The following ACOXL variants were observed in gnomAD, a reference collection of about 807,000 sequenced individuals.
ACOXL encodes acyl-coenzyme A oxidase-like protein.
ACOXL carries 70 observed loss-of-function variants against 71.9 expected under a neutral mutation model. The observed-to-expected ratio is 0.97, with a 90% CI of 0.80 to 1.19. The LOEUF (loss-of-function observed/expected upper bound fraction) is 1.19, where lower values mean the gene tolerates loss of function less well. Ranked by LOEUF, ACOXL falls within the 50% of genes most tolerant of loss-of-function variation. The pLI, the probability that ACOXL is intolerant of heterozygous loss-of-function variation, is 0.00. For missense variants in ACOXL, 703 were observed against 736.3 expected (o/e 0.95, Z 0.52); for synonymous variants, 253 against 281.6 (o/e 0.90, Z 1.02).
intron 10 of ACOXL, among the ~76,000 whole-genome samples, chr2:110,905,107 G>T (rs548736840): frequency 6.6e-6 from 1 of 152,160 alleles, no homozygotes; most frequent in Non-Finnish European, 1.5e-5. Context: ...AAGGGAAGGT[G>T]CTGGGCCTCG....
intron 15 of ACOXL, among the ~76,000 whole-genome samples, chr2:111,037,697 GA>G (rs1427913545): frequency 6.6e-6 from 1 of 152,228 alleles, no homozygotes; most frequent in Admixed American, 6.5e-5. Context: ...CTGAGGCTCA[GA>G]GGGGTGAACA....
chr2:110,826,809 C>G (rs1394875526), intron 9 of ACOXL, among the ~76,000 whole-genome samples: 1 of 142,884 alleles, frequency 7.0e-6, no homozygotes, highest in Non-Finnish European at 1.5e-5. Flanking sequence ...ATTTTTGGTG[C>G]ACATTTCATC....
At chr2:110,759,512 T>C (rs899600888) in intron 1 of ACOXL, among the ~76,000 whole-genome samples, 2 of 152,182 alleles carry the variant, frequency 1.3e-5, no homozygotes, top group Admixed American at 6.5e-5. Flanking sequence ...TGATTTTTTT[T>C]CCATTTGCTC....
intron 8 of ACOXL, among the ~76,000 whole-genome samples, chr2:110,803,985 CTTTTTTT>C (rs1177385627): frequency 1.5e-5 from 2 of 132,258 alleles, no homozygotes; most frequent in Non-Finnish European, 3.3e-5. Flanking sequence ...ACTAGGATGT[CTTTTTTT>C]TTTTTTTTTT....
At chr2:110,844,550 C>CTTTT (rs72290322) in intron 10 of ACOXL, among the ~76,000 whole-genome samples, 4 of 133,534 alleles carry the variant, frequency 3.0e-5, no homozygotes, top group Non-Finnish European at 3.2e-5. Flanking sequence ...CTTTTCTTTT[C>CTTTT]TTTTTTTTTT....
chr2:110,795,168 T>C (rs1391567356), intron 5 of ACOXL, among the ~76,000 whole-genome samples: 1 of 152,298 alleles, frequency 6.6e-6, no homozygotes, highest in East Asian at 1.9e-4. Context: ...CTATTCTTTA[T>C]TTTTGCAGTT....
intron 10 of ACOXL, among the ~76,000 whole-genome samples, chr2:110,876,314 A>C (rs1199333023): frequency 1.3e-5 from 2 of 152,200 alleles, no homozygotes; most frequent in Non-Finnish European, 2.9e-5. Flanking sequence ...TGGGCCAGCC[A>C]CGGTGCCAGG....
intron 9 of ACOXL, among the ~76,000 whole-genome samples, chr2:110,826,570 A>G (rs1689181892): frequency 6.6e-6 from 1 of 152,118 alleles, no homozygotes; most frequent in Admixed American, 6.5e-5. Flanking sequence ...TGAACCTTGT[A>G]TTTCAGATGC....
intron 16 of ACOXL, among the ~76,000 whole-genome samples, chr2:111,071,727 G>A (rs2067351895): frequency 6.6e-6 from 1 of 152,204 alleles, no homozygotes; most frequent in South Asian, 2.1e-4. Flanking sequence ...TTATTATGCA[G>A]CTCAGGCCAT....
chr2:110,817,894 C>T (rs541748943), intron 9 of ACOXL, among the ~76,000 whole-genome samples: 43 of 150,240 alleles, frequency 2.9e-4, no homozygotes, highest in African/African-American at 4.7e-4. Flanking sequence ...CACTGTGGCG[C>T]GTTCCCTTTC....
At chr2:110,967,987 G>A in intron 12 of ACOXL, 7 of 928,542 alleles carry the variant, frequency 7.5e-6, no homozygotes, top group Non-Finnish European at 1.2e-5. Context: ...ATATAGGATA[G>A]TAGTTCATCT....
chr2:111,067,548 A>G (rs1282803752), intron 16 of ACOXL, among the ~76,000 whole-genome samples: 1 of 152,250 alleles, frequency 6.6e-6, no homozygotes, highest in African/African-American at 2.4e-5. Flanking sequence ...AGAAGGTGAG[A>G]GAACATACTC....
chr2:111,091,578 G>A (rs947243381), intron 16 of ACOXL, among the ~76,000 whole-genome samples: 1 of 152,112 alleles, frequency 6.6e-6, no homozygotes, highest in Non-Finnish European at 1.5e-5. Flanking sequence ...ATTTTTATAA[G>A]AATTTATGTT....
At chr2:110,815,648 G>A (rs1383337910) in intron 9 of ACOXL, among the ~76,000 whole-genome samples, 1 of 152,212 alleles carries the variant, frequency 6.6e-6, no homozygotes, top group South Asian at 2.1e-4. Flanking sequence ...GCAGTGGGGA[G>A]AATGTTGCCT....
At chr2:110,970,544 T>C (rs1001743193) in intron 12 of ACOXL, among the ~76,000 whole-genome samples, 12 of 152,220 alleles carry the variant, frequency 7.9e-5, no homozygotes, top group African/African-American at 2.4e-4. Context: ...TCGTGGAACA[T>C]TGAATGCTTT....
chr2:110,788,804 G>A (rs1684295421), intron 3 of ACOXL, among the ~76,000 whole-genome samples: 1 of 152,198 alleles, frequency 6.6e-6, no homozygotes, highest in Non-Finnish European at 1.5e-5. Flanking sequence ...TGACCAGGAG[G>A]ACCATGGCTG....
At chr2:110,985,674 A>G (rs1020485335) in intron 12 of ACOXL, among the ~76,000 whole-genome samples, 3 of 152,088 alleles carry the variant, frequency 2.0e-5, no homozygotes, top group African/African-American at 7.3e-5. Context: ...GGCCTAAAGC[A>G]CCTCTAATTT....
chr2:110,869,363 A>G (rs1006251074), intron 10 of ACOXL, among the ~76,000 whole-genome samples: 2 of 152,314 alleles, frequency 1.3e-5, no homozygotes, highest in Middle Eastern at 3.4e-3. Context: ...CTGTGTGTCA[A>G]AAGGTCCCAG....
intron 16 of ACOXL, among the ~76,000 whole-genome samples, chr2:111,065,199 C>T (rs908050587): frequency 6.6e-6 from 1 of 152,126 alleles, no homozygotes; most frequent in Non-Finnish European, 1.5e-5. Flanking sequence ...AGACCCATAC[C>T]AACATGCCCA....
Sources: gnomAD v4.1 joint callset for allele counts (sites outside exome capture counted in the v4.1 genomes callset) on GRCh38, gnomAD v4.1.1 for gene constraint, MANE v1.5 for transcripts, NCBI Gene and HGNC (gene_info 2026-07-23, HGNC 2026-07-21) for gene names.